Variants in TMEM131L observed in about 807,000 individuals in gnomAD.
The protein encoded by TMEM131L is transmembrane protein 131-like.
A neutral mutation model predicts 192.2 loss-of-function variants in TMEM131L; 54 were observed. That is an observed-to-expected ratio of 0.28 (90% CI 0.23 to 0.35). TMEM131L has a LOEUF of 0.35. Among genes scored for constraint, TMEM131L ranks in the 10% least tolerant of loss-of-function variants. TMEM131L has a pLI of 1.00. For missense variants in TMEM131L, 1,888 were observed against 1,972.9 expected (o/e 0.96, Z 0.82); for synonymous variants, 701 against 704.9 (o/e 0.99, Z 0.09).
intron 32 of TMEM131L, 121 bp from the exon 33 acceptor site, chr4:153,634,071 A>G (rs1416738225): frequency 2.4e-6 from 2 of 819,454 alleles, no homozygotes; most frequent in Non-Finnish European, 4.1e-6. Flanking sequence ...TACATCTTTT[A>G]TTTTCCAAAA....
intron 26 of TMEM131L, among the ~76,000 whole-genome samples, chr4:153,617,859 C>A (rs964215886): frequency 4.6e-5 from 6 of 130,320 alleles, no homozygotes; most frequent in African/African-American, 1.5e-4. Context: ...ACGAGCTCTT[C>A]GTGGTTTTTT....
chr4:153,553,054 C>T (rs1737751695), intron 4 of TMEM131L, among the ~76,000 whole-genome samples: 1 of 151,678 alleles, frequency 6.6e-6, no homozygotes, highest in Non-Finnish European at 1.5e-5. Flanking sequence ...ACATTAATCT[C>T]TGGTCCTAAT....
chr4:153,617,691 A>G (rs1733087133), intron 26 of TMEM131L, among the ~76,000 whole-genome samples: 2 of 152,210 alleles, frequency 1.3e-5, no homozygotes, highest in African/African-American at 4.8e-5. Flanking sequence ...CTTCAGAGGC[A>G]GACACAGTGA....
intron 3 of TMEM131L, among the ~76,000 whole-genome samples, chr4:153,491,364 T>A (rs2149888054): frequency 6.6e-6 from 1 of 152,242 alleles, no homozygotes; most frequent in East Asian, 1.9e-4. Flanking sequence ...GCATTTTTTG[T>A]CCACACACTT....
rs1195070908 is a variant in TMEM131L, at chr4:153,604,355, C to T, written c.3343C>T (p.Pro1115Ser). The T allele has an allele frequency of 6.2e-7, 1 of 1,613,986 alleles. No individual in the cohort carries two copies. The highest frequency in any genetic ancestry group is 2.2e-5 in the East Asian group (1 of 44,874). Residue 1115 changes from proline (P) to serine (S), a missense_variant, in exon 25 of 35, where the codon CCT becomes TCT. Physicochemically the swap from Pro to Ser is moderately conservative, Grantham distance 74. Transcript: ENST00000409959. ...LCPLKTSKKL[P>S]ENHLPRNSPQ... ...TCCACTGAAGACCTCCAAGAAACTA[C>T]CTGAAAACCATTTACCAAGAAACTC...
chr4:153,549,920 A>T (rs1473699630), intron 3 of TMEM131L, among the ~76,000 whole-genome samples, 153 bp from the exon 4 acceptor site: 28 of 152,258 alleles, frequency 1.8e-4, no homozygotes, highest in Admixed American at 1.8e-3. Context: ...CTAGAATTAT[A>T]CCAGACTTCT....
intron 2 of TMEM131L, among the ~76,000 whole-genome samples, chr4:153,471,755 G>T (rs2149723588): frequency 6.6e-6 from 1 of 152,314 alleles, no homozygotes; most frequent in African/African-American, 2.4e-5. Context: ...GGCTGGGCAG[G>T]CTCAGTGCTC....
chr4:153,629,444 G>A (rs932855369), intron 31 of TMEM131L, among the ~76,000 whole-genome samples: 1 of 152,024 alleles, frequency 6.6e-6, no homozygotes, highest in Non-Finnish European at 1.5e-5. Context: ...TTCTCTAATG[G>A]GTCATTCTCA....
intron 20 of TMEM131L, 151 bp from the exon 21 acceptor site, chr4:153,598,439 G>A (rs1415956169): frequency 1.5e-6 from 1 of 681,008 alleles, no homozygotes; most frequent in Non-Finnish European, 2.4e-6. Flanking sequence ...TGAGATGGAA[G>A]AAGATACCAC....
intron 3 of TMEM131L, among the ~76,000 whole-genome samples, chr4:153,500,461 A>T (rs1733522428): frequency 6.6e-6 from 1 of 152,138 alleles, no homozygotes; most frequent in Non-Finnish European, 1.5e-5. Flanking sequence ...TTCTGTTGAG[A>T]TCTGAATGGT....
At chr4:153,545,411 C>T (rs1737101039) in intron 3 of TMEM131L, among the ~76,000 whole-genome samples, 2 of 151,864 alleles carry the variant, frequency 1.3e-5, no homozygotes, top group Admixed American at 1.3e-4. Flanking sequence ...CCTCAGCCTC[C>T]TGAGTAGCTG....
Position 153,576,517 on chromosome 4 carries a change from A to G in TMEM131L, c.661-4309A>G, listed in dbSNP as rs72729681. The stretch of plus-strand genomic sequence containing the variant: ...ATGACAAAATATTAGGCTTTAAATC[A>G]TAGCAAATTACTCTGCGAAATAGGG... On this transcript the variant is annotated intron_variant, in intron 7 of 34. Transcript: ENST00000409959. Among the ~76,000 whole-genome samples the G allele has an allele frequency of 4.9e-3, 749 of 152,338 alleles. 10 individuals carry two copies. The highest frequency in any genetic ancestry group is 4.8e-3 in the Non-Finnish European group (325 of 68,034).
At position 153,632,816 on chromosome 4, in the gene TMEM131L, G is replaced by C. The variant is rs1734304335; in HGVS notation, c.4306G>C (p.Glu1436Gln). ...GAACGGCGTGCCTTGTGTGATTCAGGAGTCGGCCCCGGTTCATAATAGGTA... is the reference window on the plus strand; with the variant it reads ...GAACGGCGTGCCTTGTGTGATTCAGCAGTCGGCCCCGGTTCATAATAGGTA... ...LENGVPCVIQ[E>Q]SAPVHNSFID... Residue 1436 changes from glutamate to glutamine, a missense_variant, in exon 32 of 35, where the codon GAG (glutamate) becomes CAG (glutamine). Glu to Gln is a conservative substitution (Grantham distance 29). Transcript: ENST00000409959. 1.2e-6 allele frequency: 2 copies of C among 1,613,994 alleles called. No individual in the cohort carries two copies. The highest frequency in any genetic ancestry group is 1.7e-6 in the Non-Finnish European group (2 of 1,180,024).
At chr4:153,513,910 C>T (rs1178655746) in intron 3 of TMEM131L, among the ~76,000 whole-genome samples, 1 of 152,118 alleles carries the variant, frequency 6.6e-6, no homozygotes, top group Non-Finnish European at 1.5e-5. Flanking sequence ...AGACTTAGGT[C>T]ATGGTTGGGA....
intron 3 of TMEM131L, among the ~76,000 whole-genome samples, chr4:153,530,991 T>A (rs953513306): frequency 1.3e-5 from 2 of 152,192 alleles, no homozygotes; most frequent in Non-Finnish European, 2.9e-5. Flanking sequence ...AATAGCTAGC[T>A]CATTTCCTGC....
At chr4:153,527,789 T>G (rs189843056) in intron 3 of TMEM131L, among the ~76,000 whole-genome samples, 146 of 152,328 alleles carry the variant, frequency 9.6e-4, no homozygotes, top group African/African-American at 3.4e-3. Flanking sequence ...AGCGTGTGGC[T>G]GAGCCTGGAG....
At chr4:153,609,664 T>G (rs1398028328) in intron 25 of TMEM131L, among the ~76,000 whole-genome samples, 1 of 152,204 alleles carries the variant, frequency 6.6e-6, no homozygotes, top group Admixed American at 6.5e-5. Context: ...TATTACTTTT[T>G]GGGGATGGTT....
chr4:153,605,933 G>A (rs1476993045), intron 25 of TMEM131L, among the ~76,000 whole-genome samples: 2 of 152,322 alleles, frequency 1.3e-5, no homozygotes, highest in East Asian at 1.9e-4. Flanking sequence ...CATTCTTGGT[G>A]CATTTAGTCC....
At chr4:153,611,026 G>A (rs1289035265) in intron 25 of TMEM131L, among the ~76,000 whole-genome samples, 2 of 152,164 alleles carry the variant, frequency 1.3e-5, no homozygotes, top group Admixed American at 6.5e-5. Flanking sequence ...TTTATTGTGG[G>A]ATAAGAGATA....
Sources: gnomAD v4.1 joint callset for allele counts (sites outside exome capture counted in the v4.1 genomes callset) on GRCh38, gnomAD v4.1.1 for gene constraint, MANE v1.5 for transcripts, NCBI Gene and HGNC (gene_info 2026-07-23, HGNC 2026-07-21) for gene names.